CFAP54: variants seen among roughly 807,000 people sequenced by gnomAD.
The protein encoded by CFAP54 is cilia- and flagella-associated protein 54.
Under a neutral mutation model 370.4 loss-of-function variants are expected in CFAP54, and 290 were observed. The ratio of observed to expected loss-of-function variants is 0.78; its 90% CI spans 0.71 to 0.86. The LOEUF is 0.86. Among genes scored for constraint, CFAP54 ranks in the 40% least tolerant of loss-of-function variants. The probability of loss-of-function intolerance (pLI) is 0.00; values close to 1 mark genes in which losing one functional copy is unlikely to be tolerated. For missense variants in CFAP54, 3,399 were observed against 3,528.7 expected, an observed-to-expected ratio of 0.96 and a Z score of 0.93; for synonymous variants, 1,206 against 1,236.5, an observed-to-expected ratio of 0.98 and a Z score of 0.52.
At chr12:96,514,158 A>G (rs1292116426) in intron 5 of CFAP54, among the ~76,000 whole-genome samples, 1 of 152,220 alleles carries the variant, frequency 6.6e-6, no homozygotes, top group African/African-American at 2.4e-5. Flanking sequence ...CATCTGAAAC[A>G]TGACTACTTT....
chr12:96,800,278 A>G (rs34457), intron 63 of CFAP54, among the ~76,000 whole-genome samples: 108 of 152,314 alleles, frequency 7.1e-4, no homozygotes, highest in Non-Finnish European at 1.3e-3. Context: ...TAGTGTAACA[A>G]GGTTTTATCC....
intron 9 of CFAP54, among the ~76,000 whole-genome samples, chr12:96,530,281 G>C (rs1289599059): frequency 6.6e-6 from 1 of 152,204 alleles, no homozygotes; most frequent in African/African-American, 2.4e-5. Flanking sequence ...CTTGAGCCCA[G>C]GAGTTCAAGA....
intron 60 of CFAP54, among the ~76,000 whole-genome samples, chr12:96,784,240 T>C (rs1476494048): frequency 6.6e-6 from 1 of 152,230 alleles, no homozygotes; most frequent in African/African-American, 2.4e-5. Flanking sequence ...AACATTCCAA[T>C]TTATTCACGT....
At chr12:96,806,577 G>T (rs1401316401) in intron 63 of CFAP54, among the ~76,000 whole-genome samples, 1 of 152,034 alleles carries the variant, frequency 6.6e-6, no homozygotes, top group Non-Finnish European at 1.5e-5. Flanking sequence ...GACAAGCTCA[G>T]TCCTAGCAGG....
chr12:96,722,304 G>C (rs1957766033), intron 50 of CFAP54, among the ~76,000 whole-genome samples: 1 of 152,182 alleles, frequency 6.6e-6, no homozygotes, highest in Admixed American at 6.5e-5. Context: ...CGTGACATCT[G>C]AACCACATTT....
intron 46 of CFAP54, 25 bp from the exon 47 acceptor site, chr12:96,704,718 C>T: frequency 8.9e-7 from 1 of 1,122,602 alleles, no homozygotes; most frequent in Admixed American, 2.6e-5. Flanking sequence ...CTTGTTCTTG[C>T]TGTTACTATT....
At chr12:96,693,588 C>A (rs1957411140) in intron 44 of CFAP54, 134 bp from the exon 45 acceptor site, 2 of 551,314 alleles carry the variant, frequency 3.6e-6, no homozygotes, top group East Asian at 6.2e-5. Context: ...TTATTTTCAA[C>A]AGTATAGTTT....
At chr12:96,626,759 G>A (rs1263588659) in intron 29 of CFAP54, 54 bp from the exon 30 acceptor site, 5 of 1,057,206 alleles carry the variant, frequency 4.7e-6, no homozygotes, top group Admixed American at 7.1e-5. Flanking sequence ...CAACCCTTTG[G>A]TACTAATAAT....
rs35129940 is a variant in CFAP54 at position 96,508,287 on chromosome 12, CTT to C, written c.739+1203_739+1204del. 3.6e-3 allele frequency among the ~76,000 whole-genome samples: 430 copies of C among 118,046 alleles called. 2 individuals carry two copies. The highest frequency in any genetic ancestry group is 4.0e-3 in the Admixed American group (47 of 11,692). 77.4% of individuals were successfully genotyped at this position (118,046 alleles called of 152,430 possible). A position where few individuals can be genotyped will look rare whatever the true frequency, so the allele number is the denominator to read the frequency against. ...CTGGGATTACATTTCTCTCAATAAT[CTT>C]TTTTTTTTTTTTTTGAGATGGAGTC... On this transcript the variant is annotated intron_variant, in intron 4 of 67. Transcript: ENST00000524981.
At chr12:96,874,964 C>A (rs779397819) in intron 67 of CFAP54, among the ~76,000 whole-genome samples, 154 bp from the exon 68 acceptor site, 35 of 152,030 alleles carry the variant, frequency 2.3e-4, no homozygotes, top group Non-Finnish European at 1.8e-4. Flanking sequence ...TGGCATTCAG[C>A]GTTAGTGACT....
At chr12:96,859,405 G>GT (rs746527685) in intron 66 of CFAP54, among the ~76,000 whole-genome samples, 109 of 151,502 alleles carry the variant, frequency 7.2e-4, no homozygotes, top group Non-Finnish European at 1.4e-3. Context: ...TTGTTTGTTT[G>GT]TTTGTTTTGT....
intron 32 of CFAP54, among the ~76,000 whole-genome samples, chr12:96,631,103 A>G (rs1956602740): frequency 6.6e-6 from 1 of 151,838 alleles, no homozygotes; most frequent in South Asian, 2.1e-4. Context: ...ATGTTTTTCT[A>G]TACCTGTTTA....
rs537198558 is a variant in CFAP54 at position 96,489,754 on chromosome 12, T to C, written c.145T>C (p.Trp49Arg). ...GAGCTCCCGGAGCTCGCTGCTTCAG[T>C]GGACCTGCCCCGAGGACTCATTGCC... is the stretch of plus-strand genomic sequence containing the variant. ...KGSSRSSLLQ[W>R]TCPEDSLPLA... The change falls in exon 1 of 68, where the codon TGG becomes CGG. Residue 49 changes from tryptophan (W) to arginine (R), a missense_variant. This residue lies in a region of CFAP54 where 559 missense variants were observed against 576.7 expected (regional missense o/e 0.97). Transcript: ENST00000524981. The C allele has an allele frequency of 1.2e-5, 18 of 1,536,106 alleles. No homozygotes were observed. The South Asian group carries it at 1.8e-4, about 15-fold the overall frequency.
intron 66 of CFAP54, among the ~76,000 whole-genome samples, chr12:96,846,655 T>A (rs1959355990): frequency 6.6e-6 from 1 of 152,140 alleles, no homozygotes; most frequent in Admixed American, 6.5e-5. Flanking sequence ...TAGTTCCCTA[T>A]AAAGAGCATA....
intron 4 of CFAP54, among the ~76,000 whole-genome samples, chr12:96,508,366 A>G (rs1955129806): frequency 6.7e-6 from 1 of 149,466 alleles, no homozygotes; most frequent in Non-Finnish European, 1.5e-5. Context: ...GCTCACTGCA[A>G]CCTCCACCTC....
At chr12:96,706,695 A>G (rs1343402025) in intron 47 of CFAP54, among the ~76,000 whole-genome samples, 2 of 152,140 alleles carry the variant, frequency 1.3e-5, no homozygotes, top group East Asian at 1.9e-4. Flanking sequence ...TGAGCCCACC[A>G]TGTGCCAGGT....
Position 96,489,677 on chromosome 12 carries a change from A to G in CFAP54, c.68A>G (p.Glu23Gly). 1 of 1,535,770 alleles carries G rather than the reference A, an allele frequency of 6.5e-7. No homozygotes were observed. The highest frequency in any genetic ancestry group is 8.7e-7 in the Non-Finnish European group (1 of 1,146,680). The change falls in exon 1 of 68, where the codon GAA becomes GGA. Residue 23 changes from glutamate (E) to glycine (G), a missense_variant. Coordinates refer to ENST00000524981, the MANE Select transcript of CFAP54 (RefSeq NM_001306084.2). The part of the protein sequence containing the change: ...DDSTTSGSLP[E>G]LPPTSTATSR... ...TCTACCACCTCGGGGTCTCTGCCAG[A>G]ACTGCCGCCGACCTCCACCGCGACT...
chr12:96,691,825 C>T (rs1488158049), intron 44 of CFAP54, among the ~76,000 whole-genome samples: 1 of 152,020 alleles, frequency 6.6e-6, no homozygotes, highest in Non-Finnish European at 1.5e-5. Context: ...TACAGCTCTC[C>T]TCTCCTTTGG....
chr12:96,666,590 A>G (rs1957083381), intron 39 of CFAP54, among the ~76,000 whole-genome samples: 1 of 152,210 alleles, frequency 6.6e-6, no homozygotes. Context: ...ACTGCCCTTT[A>G]TAAACCATCA....
Sources: allele counts gnomAD v4.1 joint callset (sites outside exome capture counted in the v4.1 genomes callset), GRCh38; gene constraint gnomAD v4.1.1; regional missense constraint gnomAD v4.1.1; transcripts MANE v1.5; gene names NCBI Gene and HGNC (gene_info 2026-07-23, HGNC 2026-07-21).